The following KIAA1549L variants were observed in gnomAD, a reference collection of about 807,000 sequenced individuals.
The protein encoded by KIAA1549L is KIAA1549 like.
A neutral mutation model predicts 160.7 loss-of-function variants in KIAA1549L; 88 were observed. That is an observed-to-expected ratio of 0.55 (90% CI 0.46 to 0.65). KIAA1549L has a LOEUF of 0.65. Ranked by LOEUF, KIAA1549L falls within the 30% of genes least tolerant of loss-of-function variation. The pLI, the probability that KIAA1549L is intolerant of heterozygous loss-of-function variation, is 0.00. For synonymous variants in KIAA1549L, 950 were observed against 976.7 expected, an observed-to-expected ratio of 0.97 and a Z score of 0.51; for missense variants, 2,258 against 2,437.5, an observed-to-expected ratio of 0.93 and a Z score of 1.55.
intron 16 of KIAA1549L, among the ~76,000 whole-genome samples, chr11:33,629,051 G>C (rs1590414139): frequency 6.6e-6 from 1 of 151,728 alleles, no homozygotes; most frequent in African/African-American, 2.4e-5. Flanking sequence ...ACGAAGCTTA[G>C]TTTGGCTGGA....
At chr11:33,462,289 G>A (rs1405166542) in intron 1 of KIAA1549L, among the ~76,000 whole-genome samples, 1 of 152,124 alleles carries the variant, frequency 6.6e-6, no homozygotes, top group Non-Finnish European at 1.5e-5. Context: ...CCATGAAAAG[G>A]TTACATTCAT....
Position 33,672,103 on chromosome 11 carries a change from G to C in KIAA1549L, c.*3949G>C, listed in dbSNP as rs1177172903. 1.3e-5 allele frequency: 2 copies of C among 152,226 alleles called. No homozygotes were observed. Among genetic ancestry groups the C allele is most frequent in the African/African-American group, 4.8e-5 (2 of 41,462 alleles). 9.4% of individuals were successfully genotyped at this position (152,226 alleles called of 1,614,324 possible). A position where few individuals can be genotyped will look rare whatever the true frequency, so the allele number is the denominator to read the frequency against. ...GGACATTTCACAAACACAGAACACG[G>C]CTCCCCTACAGGAAAGGGATGGAGA... On this transcript the variant is annotated 3_prime_UTR_variant, in exon 21 of 21. Transcript: ENST00000658780.
At chr11:33,546,357 C>T (rs941816667) in intron 3 of KIAA1549L, among the ~76,000 whole-genome samples, 20 of 152,238 alleles carry the variant, frequency 1.3e-4, no homozygotes, top group Non-Finnish European at 1.6e-4. Context: ...CCACTCTCCT[C>T]TGGGTGGCAG....
intron 1 of KIAA1549L, among the ~76,000 whole-genome samples, chr11:33,461,455 C>T (rs1423797022): frequency 1.3e-5 from 2 of 152,184 alleles, no homozygotes; most frequent in Non-Finnish European, 2.9e-5. Flanking sequence ...GTTCTCCCCA[C>T]ATGCCAGACT....
intron 1 of KIAA1549L, among the ~76,000 whole-genome samples, chr11:33,473,234 C>A (rs1445119033): frequency 1.3e-5 from 2 of 152,112 alleles, no homozygotes. Flanking sequence ...AGATGAATAA[C>A]CATAGTCCCT....
chr11:33,573,903 A>G (rs1855356705), intron 9 of KIAA1549L, among the ~76,000 whole-genome samples: 1 of 152,222 alleles, frequency 6.6e-6, no homozygotes, highest in African/African-American at 2.4e-5. Context: ...TTGTTTAAAT[A>G]AGTTTATGAG....
chr11:33,540,572 G>A (rs370280655), intron 1 of KIAA1549L, among the ~76,000 whole-genome samples: 1 of 152,200 alleles, frequency 6.6e-6, no homozygotes, highest in African/African-American at 2.4e-5. Context: ...AGTGTCTGAG[G>A]GGGGAATACC....
At chr11:33,408,342 G>A (rs1850711638) in intron 1 of KIAA1549L, among the ~76,000 whole-genome samples, 1 of 152,002 alleles carries the variant, frequency 6.6e-6, no homozygotes, top group Admixed American at 6.6e-5. Flanking sequence ...GCATCTGCGT[G>A]ATCTTGGTTT....
chr11:33,571,957 A>G (rs1299153057), intron 9 of KIAA1549L, among the ~76,000 whole-genome samples: 2 of 152,192 alleles, frequency 1.3e-5, no homozygotes, highest in South Asian at 4.2e-4. Context: ...AATTTTCTTC[A>G]ACATGCTGGT....
chr11:33,612,138 A>G (rs1850663951), intron 15 of KIAA1549L, among the ~76,000 whole-genome samples: 1 of 152,238 alleles, frequency 6.6e-6, no homozygotes, highest in Non-Finnish European at 1.5e-5. Flanking sequence ...TAGGAATAGG[A>G]ATGGAGAGAG....
At chr11:33,464,621 G>A (rs1852011189) in intron 1 of KIAA1549L, among the ~76,000 whole-genome samples, 2 of 151,996 alleles carry the variant, frequency 1.3e-5, no homozygotes, top group South Asian at 4.2e-4. Flanking sequence ...AAATAAGTTA[G>A]CATTCCTATG....
intron 1 of KIAA1549L, among the ~76,000 whole-genome samples, chr11:33,487,456 C>G (rs1399241835): frequency 6.9e-6 from 1 of 143,996 alleles, no homozygotes; most frequent in Admixed American, 7.1e-5. Flanking sequence ...CAGCCAACAT[C>G]CAGACGGTCT....
At position 33,543,642 on chromosome 11, in the gene KIAA1549L, A is replaced by G; in HGVS notation, c.2079A>G (p.Thr693=). ...TIGDMKKPAT[T]DVFWSSLSAE... Reference sequence around the variant, plus strand: ...GAGACATGAAAAAGCCAGCAACCACAGATGTTTTCTGGAGTTCTCTTTCAG... The same window carrying G: ...GAGACATGAAAAAGCCAGCAACCACGGATGTTTTCTGGAGTTCTCTTTCAG... Residue 693 remains threonine (T), a synonymous_variant, in exon 2 of 21, where the codon ACA becomes ACG. Transcript: ENST00000658780. The G allele has an allele frequency of 6.2e-7, 1 of 1,613,964 alleles. No individual in the cohort carries two copies. The highest frequency in any genetic ancestry group is 8.5e-7 in the Non-Finnish European group (1 of 1,179,840).
intron 9 of KIAA1549L, among the ~76,000 whole-genome samples, chr11:33,574,206 TAAA>T (rs59436587): frequency 2.6e-4 from 36 of 137,746 alleles, no homozygotes; most frequent in East Asian, 4.2e-4. Flanking sequence ...AACTTTTAGG[TAAA>T]AAAAAAAAAA....
At chr11:33,589,604 CT>C (rs1038267721) in intron 11 of KIAA1549L, among the ~76,000 whole-genome samples, 2 of 152,178 alleles carry the variant, frequency 1.3e-5, no homozygotes, top group Non-Finnish European at 2.9e-5. Context: ...AGTTCATGTC[CT>C]TTGTAGGGAC....
intron 1 of KIAA1549L, among the ~76,000 whole-genome samples, chr11:33,384,944 GTT>G (rs1169302830): frequency 8.1e-6 from 1 of 123,680 alleles, no homozygotes; most frequent in Admixed American, 7.7e-5. Flanking sequence ...TTTGTTTTTT[GTT>G]TTTTTTTTTT....
At chr11:33,392,042 C>T (rs1314529276) in intron 1 of KIAA1549L, among the ~76,000 whole-genome samples, 1 of 152,168 alleles carries the variant, frequency 6.6e-6, no homozygotes, top group East Asian at 1.9e-4. Flanking sequence ...ATGACACTGT[C>T]AGATAGTTCT....
chr11:33,477,507 G>GCGCGCACA (rs1554981523), intron 1 of KIAA1549L, among the ~76,000 whole-genome samples: 1 of 131,740 alleles, frequency 7.6e-6, no homozygotes, highest in African/African-American at 3.6e-5. Context: ...GCAGGTGCAC[G>GCGCGCACA]CACACACACA....
chr11:33,502,300 G>C (rs1023454695), intron 1 of KIAA1549L, among the ~76,000 whole-genome samples: 1 of 152,186 alleles, frequency 6.6e-6, no homozygotes, highest in Non-Finnish European at 1.5e-5. Context: ...CAGGCTTGGA[G>C]AGGAACTTGA....
Sources: gnomAD v4.1 joint callset for allele counts (sites outside exome capture counted in the v4.1 genomes callset) on GRCh38, gnomAD v4.1.1 for gene constraint, MANE v1.5 for transcripts, NCBI Gene and HGNC (gene_info 2026-07-23, HGNC 2026-07-21) for gene names.